Variants in BCKDHB observed in about 807,000 individuals in gnomAD.
The protein encoded by BCKDHB is 2-oxoisovalerate dehydrogenase subunit beta, mitochondrial.
Under a neutral mutation model 48.5 loss-of-function variants are expected in BCKDHB, and 41 were observed. The ratio of observed to expected loss-of-function variants is 0.85; its 90% CI spans 0.66 to 1.10. BCKDHB has a LOEUF of 1.10. Ranked by LOEUF, BCKDHB falls within the 50% of genes least tolerant of loss-of-function variation. The probability of loss-of-function intolerance (pLI) is 0.00; values close to 1 mark genes in which losing one functional copy is unlikely to be tolerated. For synonymous variants in BCKDHB, 201 were observed against 174.8 expected (o/e 1.15, Z -1.18); for missense variants, 496 against 494.2 (o/e 1.00, Z -0.03).
the BCKDHB span, among the ~76,000 whole-genome samples, chr6:80,452,542 A>G: frequency 2.0e-5 from 3 of 152,226 alleles, no homozygotes; most frequent in Non-Finnish European, 4.4e-5. Context: ...AATGCATAAT[A>G]TACCAGAAAG....
At chr6:80,413,448 C>A in the BCKDHB span, among the ~76,000 whole-genome samples, 1 of 152,124 alleles carries the variant, frequency 6.6e-6, no homozygotes, top group Non-Finnish European at 1.5e-5. Flanking sequence ...TCTTCCTTTT[C>A]CCACCCTCCA....
At chr6:80,417,888 G>T in the BCKDHB span, among the ~76,000 whole-genome samples, 1 of 152,082 alleles carries the variant, frequency 6.6e-6, no homozygotes, top group African/African-American at 2.4e-5. Context: ...CTCTAGCTAG[G>T]TTGGGAAAAT....
chr6:80,213,397 T>G (rs2127846096), intron 8 of BCKDHB, among the ~76,000 whole-genome samples: 1 of 152,310 alleles, frequency 6.6e-6, no homozygotes, highest in East Asian at 1.9e-4. Flanking sequence ...TACAGTAAAC[T>G]TCAGTTATTC....
the BCKDHB span, among the ~76,000 whole-genome samples, chr6:80,456,269 A>C: frequency 6.6e-6 from 1 of 151,912 alleles, no homozygotes; most frequent in Admixed American, 6.6e-5. Flanking sequence ...TAAAACAACA[A>C]CACATAGTGC....
the BCKDHB span, among the ~76,000 whole-genome samples, chr6:80,354,826 T>A: frequency 6.6e-6 from 1 of 152,184 alleles, no homozygotes; most frequent in Non-Finnish European, 1.5e-5. Context: ...TATGTGATCT[T>A]ATGTCTGTGT....
chr6:80,274,619 CT>C (rs1409038720), intron 9 of BCKDHB, among the ~76,000 whole-genome samples: 1 of 151,950 alleles, frequency 6.6e-6, no homozygotes, highest in African/African-American at 2.4e-5. Context: ...GTTTTGTTCA[CT>C]GCTTATTGAT....
At chr6:80,426,984 C>G in the BCKDHB span, among the ~76,000 whole-genome samples, 9 of 152,074 alleles carry the variant, frequency 5.9e-5, no homozygotes, top group South Asian at 1.7e-3. Context: ...TTAATATTTG[C>G]TTCATATACT....
intron 8 of BCKDHB, among the ~76,000 whole-genome samples, chr6:80,250,585 C>T (rs1470993645): frequency 6.6e-6 from 1 of 152,124 alleles, no homozygotes; most frequent in Admixed American, 6.6e-5. Context: ...GAGGCCTCCT[C>T]TGTGTACTTC....
At chr6:80,206,143 C>T (rs1161798235) in intron 8 of BCKDHB, among the ~76,000 whole-genome samples, 2 of 151,968 alleles carry the variant, frequency 1.3e-5, no homozygotes, top group Non-Finnish European at 2.9e-5. Context: ...GTGACAAAGA[C>T]CCATCATACT....
chr6:80,324,517 C>T (rs1768929568), intron 9 of BCKDHB, among the ~76,000 whole-genome samples: 1 of 149,644 alleles, frequency 6.7e-6, no homozygotes. Context: ...ACACAACATA[C>T]CTGAGAAAGA....
At chr6:80,409,029 T>C in the BCKDHB span, among the ~76,000 whole-genome samples, 3 of 152,220 alleles carry the variant, frequency 2.0e-5, no homozygotes, top group African/African-American at 7.2e-5. Context: ...AATTTCCCTC[T>C]ATACAGTGCT....
intron 6 of BCKDHB, among the ~76,000 whole-genome samples, chr6:80,190,453 G>C (rs188013783): frequency 5.8e-4 from 88 of 152,136 alleles, no homozygotes; most frequent in Non-Finnish European, 1.1e-3. Context: ...GGACCGCTGA[G>C]TGGCCACACT....
intron 3 of BCKDHB, among the ~76,000 whole-genome samples, chr6:80,139,701 C>T (rs1322275148): frequency 6.6e-6 from 1 of 152,106 alleles, no homozygotes; most frequent in African/African-American, 2.4e-5. Context: ...GTTTTGGTTA[C>T]TGTAGCCTTG....
chr6:80,122,527 C>T (rs996199952), intron 1 of BCKDHB, among the ~76,000 whole-genome samples: 4 of 152,174 alleles, frequency 2.6e-5, no homozygotes, highest in African/African-American at 9.7e-5. Flanking sequence ...AGGAATTTTA[C>T]AGCTGGGCCG....
chr6:80,317,935 C>T (rs1701778438), intron 9 of BCKDHB, among the ~76,000 whole-genome samples: 1 of 152,150 alleles, frequency 6.6e-6, no homozygotes, highest in African/African-American at 2.4e-5. Flanking sequence ...CTCTACTTTC[C>T]TCCAGCAGTC....
intron 3 of BCKDHB, among the ~76,000 whole-genome samples, chr6:80,157,806 T>C (rs1451571113): frequency 6.6e-6 from 1 of 152,080 alleles, no homozygotes; most frequent in Non-Finnish European, 1.5e-5. Context: ...GGTGGGCCTA[T>C]AGTCTCTCTT....
intron 1 of BCKDHB, among the ~76,000 whole-genome samples, chr6:80,118,191 G>T (rs1407450464): frequency 6.6e-6 from 1 of 152,062 alleles, no homozygotes; most frequent in East Asian, 1.9e-4. Context: ...ACATATTGTG[G>T]GTTTGGCTCC....
intron 2 of BCKDHB, 26 bp from the exon 3 acceptor site, chr6:80,129,135 T>C (rs766610539): frequency 1.4e-6 from 2 of 1,454,938 alleles, no homozygotes; most frequent in Non-Finnish European, 1.9e-6. Flanking sequence ...TTAAATAAAA[T>C]GTATTATTTA....
At chr6:80,148,370 C>T (rs1416994800) in intron 3 of BCKDHB, among the ~76,000 whole-genome samples, 1 of 152,056 alleles carries the variant, frequency 6.6e-6, no homozygotes. Flanking sequence ...TTTCTGCTTG[C>T]ATTTTCTTCT....
Sources: gnomAD v4.1 joint callset for allele counts (sites outside exome capture counted in the v4.1 genomes callset) on GRCh38, gnomAD v4.1.1 for gene constraint, MANE v1.5 for transcripts, NCBI Gene and HGNC (gene_info 2026-07-23, HGNC 2026-07-21) for gene names.